The following RBFOX1 variants were observed in gnomAD, a reference collection of about 807,000 sequenced individuals.
RBFOX1 encodes RNA binding protein fox-1 homolog 1.
In RBFOX1, 8 loss-of-function variants were observed where a neutral mutation model predicts 57.7. That is an observed-to-expected ratio of 0.14 (90% CI 0.08 to 0.25). The LOEUF (loss-of-function observed/expected upper bound fraction) is 0.25. RBFOX1 is among the 10% of genes least tolerant of loss of function. The probability of loss-of-function intolerance (pLI) is 1.00; values close to 1 mark genes in which losing one functional copy is unlikely to be tolerated. For missense variants in RBFOX1, 611 were observed against 548.5 expected (o/e 1.11, Z -1.14); for synonymous variants, 326 against 222.4 (o/e 1.47, Z -4.15).
intron 2 of RBFOX1, among the ~76,000 whole-genome samples, chr16:6,647,366 C>G (rs1334884558): frequency 1.3e-5 from 2 of 152,170 alleles, no homozygotes; most frequent in African/African-American, 2.4e-5. Context: ...CTGCCTCAGC[C>G]TCCAAGTAGC....
intron 11 of RBFOX1, among the ~76,000 whole-genome samples, chr16:7,645,049 C>A (rs1006617632): frequency 2.6e-5 from 4 of 152,156 alleles, no homozygotes; most frequent in African/African-American, 9.7e-5. Context: ...AGATTTAGAT[C>A]AATATATTCA....
intron 3 of RBFOX1, among the ~76,000 whole-genome samples, chr16:5,657,432 C>G (rs1009009883): frequency 9.9e-5 from 15 of 152,100 alleles, no homozygotes; most frequent in African/African-American, 3.4e-4. Context: ...ATAAAGTACT[C>G]ACAATCACAG....
intron 4 of RBFOX1, among the ~76,000 whole-genome samples, chr16:5,894,817 C>G (rs185277768): frequency 6.6e-6 from 1 of 151,988 alleles, no homozygotes; most frequent in African/African-American, 2.4e-5. Flanking sequence ...GTCAGGAGAT[C>G]GAGACCATCT....
intron 4 of RBFOX1, among the ~76,000 whole-genome samples, chr16:5,984,971 TATATA>T (rs1269988624): frequency 0.014 from 754 of 53,706 alleles, 3 homozygotes; most frequent in African/African-American, 0.033. Flanking sequence ...TATATATATA[TATATA>T]TTTTTTTTTT....
At chr16:7,270,981 C>A (rs1397709400) in intron 4 of RBFOX1, among the ~76,000 whole-genome samples, 2 of 152,136 alleles carry the variant, frequency 1.3e-5, no homozygotes, top group African/African-American at 4.8e-5. Context: ...GGAAGACACA[C>A]ATGTGCAAGT....
At chr16:6,428,430 A>G (rs1222544481) in intron 2 of RBFOX1, among the ~76,000 whole-genome samples, 3 of 152,102 alleles carry the variant, frequency 2.0e-5, no homozygotes, top group South Asian at 2.1e-4. Flanking sequence ...AAACTAATGT[A>G]TGTGTATGTA....
At chr16:7,220,157 C>T (rs539893586) in intron 4 of RBFOX1, among the ~76,000 whole-genome samples, 16 of 152,294 alleles carry the variant, frequency 1.1e-4, no homozygotes, top group East Asian at 3.9e-4. Flanking sequence ...TCCCCACTCC[C>T]GACAACCATC....
At chr16:6,025,038 G>A (rs1228263494) in intron 1 of RBFOX1, among the ~76,000 whole-genome samples, 1 of 152,180 alleles carries the variant, frequency 6.6e-6, no homozygotes, top group African/African-American at 2.4e-5. Context: ...CTTGTGGCCT[G>A]GGAAGGGACC....
At chr16:6,980,203 C>G (rs535119378) in intron 3 of RBFOX1, among the ~76,000 whole-genome samples, 3 of 152,184 alleles carry the variant, frequency 2.0e-5, no homozygotes, top group Admixed American at 6.5e-5. Flanking sequence ...AAAAGCAATT[C>G]TAGCTGATAT....
At chr16:7,665,108 C>A in intron 13 of RBFOX1, 140 bp downstream of exon 13, 1 of 1,528,140 alleles carries the variant, frequency 6.5e-7, no homozygotes, top group East Asian at 2.3e-5. Context: ...GTTTGTCTTG[C>A]AGGACAGAAA....
At chr16:6,763,374 C>G (rs950837233) in intron 3 of RBFOX1, among the ~76,000 whole-genome samples, 1 of 152,200 alleles carries the variant, frequency 6.6e-6, no homozygotes, top group Non-Finnish European at 1.5e-5. Flanking sequence ...TGTTGGAGAG[C>G]CATCCATTCC....
intron 3 of RBFOX1, among the ~76,000 whole-genome samples, chr16:6,912,026 C>G (rs117029636): frequency 1.4e-4 from 21 of 152,092 alleles, no homozygotes; most frequent in Non-Finnish European, 1.0e-4. Flanking sequence ...TTCAAAGATT[C>G]CTTTTTGTGG....
At chr16:6,847,221 A>G (rs1290145668) in intron 3 of RBFOX1, among the ~76,000 whole-genome samples, 1 of 152,094 alleles carries the variant, frequency 6.6e-6, no homozygotes, top group Non-Finnish European at 1.5e-5. Context: ...GCATAACAAC[A>G]TTTCATGATA....
chr16:5,467,342 AAC>A, intron 2 of RBFOX1: 1 of 1,273,080 alleles, frequency 7.9e-7, no homozygotes, highest in African/African-American at 1.5e-5. Context: ...ACAGCCCTGC[AAC>A]TTCACTGCCC....
intron 4 of RBFOX1, among the ~76,000 whole-genome samples, chr16:7,463,511 C>T (rs983288319): frequency 6.6e-6 from 1 of 151,678 alleles, no homozygotes; most frequent in Non-Finnish European, 1.5e-5. Flanking sequence ...CTCAAAAAAA[C>T]AAAAAAAGGT....
intron 3 of RBFOX1, among the ~76,000 whole-genome samples, chr16:6,983,310 CATT>C (rs1290779406): frequency 5.3e-5 from 8 of 152,066 alleles, no homozygotes; most frequent in African/African-American, 1.9e-4. Flanking sequence ...GAGTTTTGTC[CATT>C]ATTTCTTTAG....
At chr16:6,117,899 TTTC>T (rs2096514445) in intron 1 of RBFOX1, among the ~76,000 whole-genome samples, 1 of 152,232 alleles carries the variant, frequency 6.6e-6, no homozygotes, top group Non-Finnish European at 1.5e-5. Context: ...GATTAAATAT[TTTC>T]TTCTAAACAC....
At chr16:6,813,797 T>A (rs1469344392) in intron 3 of RBFOX1, among the ~76,000 whole-genome samples, 1 of 152,166 alleles carries the variant, frequency 6.6e-6, no homozygotes, top group Non-Finnish European at 1.5e-5. Context: ...TGCGGAGGAT[T>A]CCTGAAGAAT....
intron 2 of RBFOX1, among the ~76,000 whole-genome samples, chr16:6,359,554 A>G (rs1415697200): frequency 6.6e-6 from 1 of 152,184 alleles, no homozygotes; most frequent in Non-Finnish European, 1.5e-5. Flanking sequence ...TGGTAGCCAC[A>G]TGCTTGTGTT....
Sources: allele counts gnomAD v4.1 joint callset (sites outside exome capture counted in the v4.1 genomes callset), GRCh38; gene constraint gnomAD v4.1.1; transcripts MANE v1.5; gene names NCBI Gene and HGNC (gene_info 2026-07-23, HGNC 2026-07-21).